PNLDC1: variants seen among roughly 807,000 people sequenced by gnomAD.
PNLDC1 encodes poly(A)-specific ribonuclease PNLDC1.
Under a neutral mutation model 82.0 loss-of-function variants are expected in PNLDC1, and 70 were observed. That is an observed-to-expected ratio of 0.85 (90% CI 0.70 to 1.04). PNLDC1 has a LOEUF of 1.04. Among genes scored for constraint, PNLDC1 ranks in the 50% least tolerant of loss-of-function variants. The pLI, the probability that PNLDC1 is intolerant of heterozygous loss-of-function variation, is 0.00. For synonymous variants in PNLDC1, 280 were observed against 249.3 expected, an observed-to-expected ratio of 1.12 and a Z score of -1.16; for missense variants, 631 against 661.1, an observed-to-expected ratio of 0.95 and a Z score of 0.50.
At chr6:159,805,776 T>C (rs1781425319) in intron 6 of PNLDC1, 1 of 556,032 alleles carries the variant, frequency 1.8e-6, no homozygotes, top group Non-Finnish European at 3.3e-6. Flanking sequence ...GCCTGGATCC[T>C]ATGGAAGGTT....
rs558612196 is a variant in PNLDC1, at chr6:159,800,303, C to G, written c.-5C>G. 6 of 1,545,764 alleles carry G rather than the reference C, an allele frequency of 3.9e-6. No homozygotes were observed. In the South Asian group the frequency reaches 7.2e-5, roughly 18 times the overall value. ...CGCTGGGCGACTCCGCGGAGCTGCA[C>G]GGCCATGGACGTGGGCGCCGACGAG... is the stretch of plus-strand genomic sequence containing the variant. On this transcript the variant is annotated 5_prime_UTR_variant, in exon 1 of 19. Transcript: ENST00000392167.
intron 9 of PNLDC1, 42 bp from the exon 10 acceptor site, chr6:159,809,984 C>T (rs779907375): frequency 8.5e-6 from 13 of 1,528,328 alleles, no homozygotes; most frequent in East Asian, 2.2e-5. Flanking sequence ...GTCTGGATTA[C>T]ATTTTTTTAT....
chr6:159,806,498 A>G (rs4709379), intron 7 of PNLDC1, among the ~76,000 whole-genome samples: 119,801 of 152,042 alleles, frequency 0.79, 47,441 homozygotes, highest in South Asian at 0.85. Flanking sequence ...TTTCCAATGG[A>G]TATGTGAGGT....
At chr6:159,808,944 G>T in intron 8 of PNLDC1, 71 bp from the exon 9 acceptor site, 1 of 1,590,600 alleles carries the variant, frequency 6.3e-7, no homozygotes, top group Non-Finnish European at 8.6e-7. Flanking sequence ...TTTGTTTAGA[G>T]ATGCAGAGCC....
At chr6:159,811,555 G>C (rs1386381405) in intron 10 of PNLDC1, 146 bp from the exon 11 acceptor site, 1 of 626,996 alleles carries the variant, frequency 1.6e-6, no homozygotes. Context: ...ATCCTTAGTG[G>C]CTAGGATTAA....
intron 5 of PNLDC1, 101 bp from the exon 6 acceptor site, chr6:159,804,448 C>T (rs1334441733): frequency 7.5e-6 from 6 of 804,410 alleles, no homozygotes; most frequent in Non-Finnish European, 1.0e-5. Context: ...CTTATACAGC[C>T]CGTCTCCTTT....
At position 159,819,432 on chromosome 6, in the gene PNLDC1, T is replaced by C; in HGVS notation, c.1532+80T>C. 8.0e-7 allele frequency: 1 copy of C among 1,248,510 alleles called. No homozygotes were observed. Among genetic ancestry groups the C allele is most frequent in the South Asian group, 1.3e-5 (1 of 76,072 alleles). The allele number at this position is 1,248,510 out of a possible 1,614,324, so 77.3% of individuals were successfully genotyped here. ...TCCCAGCATCCCAGCATGGTCTGAC[T>C]CGAGCACAGCTCACTTGCTGGTGTG... On this transcript the variant is annotated intron_variant, in intron 18 of 18. Coordinates refer to ENST00000392167, the MANE Select transcript of PNLDC1 (RefSeq NM_001271862.2). The surrounding 1 kb of genome is among the most constrained non-coding windows in gnomAD (Gnocchi z 4.6).
At chr6:159,817,799 G>A (rs776526495) in intron 15 of PNLDC1, among the ~76,000 whole-genome samples, 3 of 152,258 alleles carry the variant, frequency 2.0e-5, no homozygotes, top group Non-Finnish European at 2.9e-5. Flanking sequence ...TGGGATTGAT[G>A]TAGAAATATC....
chr6:159,800,525 C>T, intron 1 of PNLDC1, 142 bp downstream of exon 1: 3 of 1,317,466 alleles, frequency 2.3e-6, no homozygotes, highest in Non-Finnish European at 3.1e-6. Context: ...CTTCTCCAGC[C>T]CCGGGGCGGT....
chr6:159,818,795 T>C, intron 16 of PNLDC1, 141 bp downstream of exon 16: 1 of 1,207,524 alleles, frequency 8.3e-7, no homozygotes, highest in Non-Finnish European at 1.2e-6. Flanking sequence ...CCTCTCATGT[T>C]TCTCCACTAA....
Position 159,816,580 on chromosome 6 carries a change from C to G in PNLDC1, c.1098C>G (p.Ala366=). 2 of 1,613,622 alleles carry G rather than the reference C, an allele frequency of 1.2e-6. No individual in the cohort carries two copies. Among genetic ancestry groups the G allele is most frequent in the Non-Finnish European group, 1.7e-6 (2 of 1,179,860 alleles). ...GCCCCCACGAAGCCGCGTATGATGC[C>G]TTCCTCTGTGGGTCAGGTAAGGATT... ...TKCPHEAAYD[A]FLCGSVLLKV... Residue 366 remains alanine (A), a synonymous_variant, in exon 14 of 19, where the codon GCC becomes GCG. Transcript: ENST00000392167.
chr6:159,802,071 A>G (rs1231853069), intron 3 of PNLDC1, among the ~76,000 whole-genome samples: 1 of 151,616 alleles, frequency 6.6e-6, no homozygotes, highest in African/African-American at 2.4e-5. Context: ...TATTTTTAGT[A>G]GCGATGGGGT....
chr6:159,819,732 G>T lies in PNLDC1; in HGVS notation c.1532+380G>T, dbSNP rs1022460007. Among the ~76,000 whole-genome samples, 3 of 152,130 alleles carry T rather than the reference G, an allele frequency of 2.0e-5. No homozygotes were observed. The highest frequency in any genetic ancestry group is 7.2e-5 in the African/African-American group (3 of 41,422). On this transcript the variant is annotated intron_variant, in intron 18 of 18. Coordinates refer to ENST00000392167, the MANE Select transcript of PNLDC1 (RefSeq NM_001271862.2). This position sits in a 1 kb window ranked among gnomAD's most constrained non-coding sequence, Gnocchi z 4.6. ...GCTGCAGTTCAAAGGAGCTGATGGG[G>T]GTCTTCATTAGAGACTTGGAGTGAG...
chr6:159,804,174 T>G, intron 5 of PNLDC1, 86 bp downstream of exon 5: 1 of 1,483,122 alleles, frequency 6.7e-7, no homozygotes. Flanking sequence ...TGGAGTGCAG[T>G]GGTGCAATCT....
chr6:159,808,800 T>C lies in PNLDC1; in HGVS notation c.623T>C (p.Val208Ala). The C allele has an allele frequency of 6.2e-7, 1 of 1,614,070 alleles. No individual in the cohort carries two copies. Among genetic ancestry groups the C allele is most frequent in the Non-Finnish European group, 8.5e-7 (1 of 1,179,980 alleles). Residue 208 changes from valine (V) to alanine (A), a missense_variant, in exon 8 of 19, where the codon GTG becomes GCG. Transcript: ENST00000392167. ...LRQALPNIWTVLKDEGVVVKK... is the reference protein window; with the variant it reads ...LRQALPNIWTALKDEGVVVKK... ...CAGGCCCTCCCCAACATCTGGACGG[T>C]GCTGAAAGATGAGGGGGTGAGTTCT... is the stretch of plus-strand genomic sequence containing the variant.
chr6:159,810,208 T>G (rs567126446), intron 10 of PNLDC1, 113 bp downstream of exon 10: 1 of 906,090 alleles, frequency 1.1e-6, no homozygotes, highest in South Asian at 1.5e-5. Context: ...TCCTCCCCAG[T>G]GTCTGCAGGT....
chr6:159,815,378 C>A (rs559073647), intron 12 of PNLDC1, among the ~76,000 whole-genome samples: 3 of 152,354 alleles, frequency 2.0e-5, no homozygotes, highest in African/African-American at 7.2e-5. Context: ...AAGCCCCTGC[C>A]TGTTGTAGGG....
At chr6:159,809,290 GT>G in intron 9 of PNLDC1, 132 bp downstream of exon 9, 1 of 1,244,072 alleles carries the variant, frequency 8.0e-7, no homozygotes, top group Non-Finnish European at 1.1e-6. Flanking sequence ...ATTTTTTCAT[GT>G]TTTACTTTCA....
rs1347071844 is a variant in PNLDC1, at chr6:159,800,811, C to T, written c.116C>T (p.Ser39Phe). ...IEFTGLRSNL[S>F]GPQQISLFDL... ...TTCACGGGCCTTCGTTCTAACCTGT[C>T]TGGGCCCCAGCAGATCAGGTAAAAC... Residue 39 changes from serine to phenylalanine, a missense_variant, in exon 2 of 19, where the codon TCT becomes TTT. Coordinates refer to ENST00000392167, the MANE Select transcript of PNLDC1 (RefSeq NM_001271862.2). 2 of 1,614,076 alleles carry T rather than the reference C, an allele frequency of 1.2e-6. No homozygotes were observed. Among genetic ancestry groups the T allele is most frequent in the Non-Finnish European group, 1.7e-6 (2 of 1,180,040 alleles).
Sources: gnomAD v4.1 joint callset for allele counts (sites outside exome capture counted in the v4.1 genomes callset) on GRCh38, gnomAD v4.1.1 for gene constraint, Gnocchi (gnomAD v3.1) non-coding constraint, MANE v1.5 for transcripts, NCBI Gene and HGNC (gene_info 2026-07-23, HGNC 2026-07-21) for gene names.